LRP1B: variants seen among roughly 807,000 people sequenced by gnomAD.
The protein encoded by LRP1B is low-density lipoprotein receptor-related protein 1B.
LRP1B carries 217 observed loss-of-function variants against 556.6 expected under a neutral mutation model. The ratio of observed to expected loss-of-function variants is 0.39; its 90% CI spans 0.35 to 0.44. The LOEUF is 0.44. LRP1B is among the 20% of genes least tolerant of loss of function. The probability of loss-of-function intolerance (pLI) is 1.00; values close to 1 mark genes in which losing one functional copy is unlikely to be tolerated. For missense variants in LRP1B, 5,053 were observed against 5,620.8 expected, an observed-to-expected ratio of 0.90 and a Z score of 3.23; for synonymous variants, 2,047 against 1,865.8, an observed-to-expected ratio of 1.10 and a Z score of -2.50.
intron 41 of LRP1B, among the ~76,000 whole-genome samples, chr2:140,654,070 AT>A (rs1684787524): frequency 6.6e-6 from 1 of 150,986 alleles, no homozygotes; most frequent in South Asian, 2.1e-4. Flanking sequence ...GTTTAACTAC[AT>A]TTGGGGAATA....
intron 35 of LRP1B, among the ~76,000 whole-genome samples, chr2:140,728,722 A>T (rs1485266249): frequency 6.6e-6 from 1 of 152,162 alleles, no homozygotes; most frequent in Middle Eastern, 3.2e-3. Context: ...TAACTTACTT[A>T]AAAGGTTTAA....
chr2:141,014,382 T>G (rs561216325), intron 13 of LRP1B, among the ~76,000 whole-genome samples: 3 of 152,228 alleles, frequency 2.0e-5, no homozygotes, highest in South Asian at 2.1e-4. Flanking sequence ...ATTCTAGTTA[T>G]ATTGTTTTGT....
At chr2:140,465,877 A>T (rs1171164878) in intron 60 of LRP1B, among the ~76,000 whole-genome samples, 1 of 152,180 alleles carries the variant, frequency 6.6e-6, no homozygotes, top group Non-Finnish European at 1.5e-5. Flanking sequence ...ACATTTCTAT[A>T]GTAACTGAAT....
chr2:140,626,904 G>C (rs1324762755), intron 41 of LRP1B, among the ~76,000 whole-genome samples: 2 of 152,052 alleles, frequency 1.3e-5, no homozygotes, highest in Non-Finnish European at 2.9e-5. Flanking sequence ...AAACTGTTAT[G>C]GTGTGGCTTC....
intron 11 of LRP1B, among the ~76,000 whole-genome samples, chr2:141,042,843 G>C (rs948071012): frequency 4.0e-5 from 6 of 151,812 alleles, no homozygotes; most frequent in African/African-American, 1.5e-4. Flanking sequence ...ATAATGTTCT[G>C]CCAAACTTGC....
chr2:140,817,411 T>C (rs1573758082), intron 31 of LRP1B, among the ~76,000 whole-genome samples: 1 of 151,966 alleles, frequency 6.6e-6, no homozygotes, highest in East Asian at 1.9e-4. Flanking sequence ...TTTATAAAAA[T>C]ACAGCTAATC....
intron 31 of LRP1B, among the ~76,000 whole-genome samples, chr2:140,823,012 CTATGAT>C (rs1036044472): frequency 6.6e-6 from 1 of 152,150 alleles, no homozygotes; most frequent in African/African-American, 2.4e-5. Flanking sequence ...AAAGTAGTCA[CTATGAT>C]TATATTATTT....
rs144363448 is a variant in LRP1B at position 140,999,859 on chromosome 2, CA to C, written c.2503+5475del. 7.1e-3 allele frequency among the ~76,000 whole-genome samples: 1,081 copies of C among 152,008 alleles called. 9 individuals are homozygous for C. Among genetic ancestry groups the C allele is most frequent in the African/African-American group, 0.024 (976 of 41,488 alleles). ...AATGGTAGTCACTGCTGAGGAAAAC[CA>C]ATACTGAAAACCCATTCGTGCATCT... On this transcript the variant is annotated intron_variant, in intron 15 of 90. Transcript: ENST00000389484.
At chr2:140,607,337 C>T (rs1259995918) in intron 41 of LRP1B, among the ~76,000 whole-genome samples, 1 of 152,034 alleles carries the variant, frequency 6.6e-6, no homozygotes, top group Non-Finnish European at 1.5e-5. Flanking sequence ...ATGGAGCAGC[C>T]TCTTTGTAAA....
At chr2:140,950,596 C>T (rs1263161526) in intron 19 of LRP1B, among the ~76,000 whole-genome samples, 194 bp from the exon 20 acceptor site, 2 of 152,026 alleles carry the variant, frequency 1.3e-5, no homozygotes, top group African/African-American at 4.8e-5. Flanking sequence ...ATGATACTCC[C>T]ACTCCAGCCT....
At chr2:141,876,216 C>T (rs1698753956) in intron 1 of LRP1B, among the ~76,000 whole-genome samples, 1 of 151,872 alleles carries the variant, frequency 6.6e-6, no homozygotes, top group South Asian at 2.1e-4. Flanking sequence ...AAAGTTTGAG[C>T]TCCAAATGGA....
At chr2:141,246,700 C>T (rs1268405174) in intron 5 of LRP1B, among the ~76,000 whole-genome samples, 1 of 152,182 alleles carries the variant, frequency 6.6e-6, no homozygotes, top group African/African-American at 2.4e-5. Flanking sequence ...CACTGCGGCT[C>T]ATGCCTATAA....
chr2:141,397,187 C>T (rs1212159015), intron 3 of LRP1B, among the ~76,000 whole-genome samples: 2 of 137,434 alleles, frequency 1.5e-5, no homozygotes, highest in African/African-American at 5.4e-5. Context: ...AGAGATGGTA[C>T]TTTGTGTTTC....
At chr2:141,863,666 C>G (rs1474853785) in intron 1 of LRP1B, among the ~76,000 whole-genome samples, 1 of 152,302 alleles carries the variant, frequency 6.6e-6, no homozygotes, top group Non-Finnish European at 1.5e-5. Context: ...CTATGTACCA[C>G]TTCCCCCTAT....
intron 7 of LRP1B, among the ~76,000 whole-genome samples, chr2:141,164,133 G>C (rs1680150529): frequency 6.6e-6 from 1 of 152,022 alleles, no homozygotes; most frequent in African/African-American, 2.4e-5. Flanking sequence ...CAAAGAAGCA[G>C]AGGTGGAAAT....
chr2:141,266,797 A>C (rs1179112125), intron 3 of LRP1B, among the ~76,000 whole-genome samples: 1 of 152,222 alleles, frequency 6.6e-6, no homozygotes, highest in Non-Finnish European at 1.5e-5. Flanking sequence ...CCATAATCAA[A>C]TCTGAAGAGA....
chr2:140,985,906 C>T (rs1696907889), intron 17 of LRP1B, among the ~76,000 whole-genome samples: 1 of 151,808 alleles, frequency 6.6e-6, no homozygotes, highest in Non-Finnish European at 1.5e-5. Context: ...TATGTACTTA[C>T]ATTTGAAATT....
At position 141,243,000 on chromosome 2, in the gene LRP1B, A is replaced by G. The variant is rs114610061; in HGVS notation, c.592+4226T>C. 4.5e-3 allele frequency among the ~76,000 whole-genome samples: 687 copies of G among 152,294 alleles called. 4 individuals carry two copies. Among genetic ancestry groups the G allele is most frequent in the Non-Finnish European group, 8.4e-3 (569 of 68,024 alleles). On this transcript the variant is annotated intron_variant, in intron 5 of 90. Transcript: ENST00000389484. ...AAATTCAATAAAATCAATTAAAAGAAAGTCAAATTTTAAAAATGTTTTTAT... is the reference window on the plus strand; with the variant it reads ...AAATTCAATAAAATCAATTAAAAGAGAGTCAAATTTTAAAAATGTTTTTAT...
At chr2:141,733,910 C>T (rs115405880) in intron 2 of LRP1B, among the ~76,000 whole-genome samples, 1 of 152,008 alleles carries the variant, frequency 6.6e-6, no homozygotes, top group Admixed American at 6.6e-5. Context: ...TATTATAGAA[C>T]CTATAATGTT....
Sources: allele counts gnomAD v4.1 joint callset (sites outside exome capture counted in the v4.1 genomes callset), GRCh38; gene constraint gnomAD v4.1.1; transcripts MANE v1.5; gene names NCBI Gene and HGNC (gene_info 2026-07-23, HGNC 2026-07-21).